NPAS3: variants seen among roughly 807,000 people sequenced by gnomAD.
NPAS3 encodes the protein neuronal PAS domain protein 3, also known as neuronal PAS domain-containing protein 3.
NPAS3 carries 14 observed loss-of-function variants against 73.1 expected under a neutral mutation model. That is an observed-to-expected ratio of 0.19 (90% CI 0.13 to 0.30). The LOEUF is 0.30. NPAS3 is among the 10% of genes least tolerant of loss of function. The pLI, the probability that NPAS3 is intolerant of heterozygous loss-of-function variation, is 1.00. For synonymous variants in NPAS3, 620 were observed against 541.5 expected, an observed-to-expected ratio of 1.14 and a Z score of -2.01; for missense variants, 1,096 against 1,250.0, an observed-to-expected ratio of 0.88 and a Z score of 1.86.
intron 2 of NPAS3, among the ~76,000 whole-genome samples, chr14:33,090,597 A>C (rs1201987736): frequency 6.6e-6 from 1 of 152,208 alleles, no homozygotes. Context: ...AACGAGACAG[A>C]AAGTTAACAA....
At chr14:33,788,755 T>C (rs2063256859) in intron 9 of NPAS3, among the ~76,000 whole-genome samples, 1 of 152,192 alleles carries the variant, frequency 6.6e-6, no homozygotes, top group Non-Finnish European at 1.5e-5. Context: ...GTCGTCAGTC[T>C]GTGTCTGTGG....
chr14:33,285,571 G>A (rs2140085258), intron 3 of NPAS3, among the ~76,000 whole-genome samples: 1 of 152,274 alleles, frequency 6.6e-6, no homozygotes, highest in African/African-American at 2.4e-5. Context: ...ACAGGTTAGT[G>A]AAGAAGCTAG....
chr14:33,267,415 G>A (rs2040865919), intron 3 of NPAS3, among the ~76,000 whole-genome samples: 1 of 152,154 alleles, frequency 6.6e-6, no homozygotes, highest in Non-Finnish European at 1.5e-5. Context: ...GAGGACTGTA[G>A]ACATCTAGTG....
intron 4 of NPAS3, among the ~76,000 whole-genome samples, chr14:33,544,812 G>GATAT (rs2054736462): frequency 1.2e-5 from 1 of 86,248 alleles, no homozygotes; most frequent in African/African-American, 6.6e-5. Flanking sequence ...ATATATATAT[G>GATAT]TATATATAAT....
At chr14:32,965,768 T>C (rs1482001696) in intron 1 of NPAS3, among the ~76,000 whole-genome samples, 1 of 152,206 alleles carries the variant, frequency 6.6e-6, no homozygotes, top group Admixed American at 6.5e-5. Flanking sequence ...GAAGTCAGAT[T>C]GTTCTTGTTT....
chr14:33,557,955 C>G (rs2055440652), intron 4 of NPAS3, among the ~76,000 whole-genome samples: 1 of 152,110 alleles, frequency 6.6e-6, no homozygotes, highest in Admixed American at 6.5e-5. Context: ...GGTGACAGAG[C>G]AAGACTCCGT....
At chr14:33,687,993 T>G (rs1315173134) in intron 6 of NPAS3, among the ~76,000 whole-genome samples, 3 of 152,224 alleles carry the variant, frequency 2.0e-5, no homozygotes, top group Non-Finnish European at 4.4e-5. Flanking sequence ...CTTCTCTGCT[T>G]TCTAAAATGC....
chr14:33,716,671 C>T (rs1411631051), intron 6 of NPAS3, among the ~76,000 whole-genome samples: 1 of 152,116 alleles, frequency 6.6e-6, no homozygotes, highest in African/African-American at 2.4e-5. Context: ...CTACTTTCTT[C>T]CCCTATGAGT....
chr14:33,787,728 T>C (rs1439117877), intron 9 of NPAS3, among the ~76,000 whole-genome samples: 1 of 152,226 alleles, frequency 6.6e-6, no homozygotes, highest in African/African-American at 2.4e-5. Flanking sequence ...TATGAGCAGT[T>C]CTAAATGAAA....
At chr14:33,164,967 T>C (rs1170482973) in intron 2 of NPAS3, among the ~76,000 whole-genome samples, 1 of 152,126 alleles carries the variant, frequency 6.6e-6, no homozygotes, top group African/African-American at 2.4e-5. Flanking sequence ...GGTATAGAGT[T>C]ATGAGAATTC....
At chr14:33,273,585 T>C (rs1316654362) in intron 3 of NPAS3, among the ~76,000 whole-genome samples, 1 of 152,238 alleles carries the variant, frequency 6.6e-6, no homozygotes, top group Non-Finnish European at 1.5e-5. Flanking sequence ...CTTAAGATTA[T>C]GACTCTGATT....
chr14:33,776,520 T>TAAAAA (rs1566528548), intron 8 of NPAS3, among the ~76,000 whole-genome samples: 1 of 76,332 alleles, frequency 1.3e-5, no homozygotes, highest in East Asian at 5.8e-4. Context: ...TTTCTTCCTC[T>TAAAAA]TAAAAAAAAA....
chr14:33,271,068 A>G (rs8010869), intron 3 of NPAS3, among the ~76,000 whole-genome samples: 36,736 of 151,968 alleles, frequency 0.24, 4,744 homozygotes, highest in Middle Eastern at 0.31. Context: ...ATACAGAGAA[A>G]CCGTCTGTTT....
intron 4 of NPAS3, among the ~76,000 whole-genome samples, chr14:33,490,975 A>C (rs2051865971): frequency 6.6e-6 from 1 of 152,212 alleles, no homozygotes; most frequent in African/African-American, 2.4e-5. Flanking sequence ...CTGCAGCAGC[A>C]GCAGCAGCAG....
At chr14:33,070,302 T>C (rs1274491657) in intron 2 of NPAS3, among the ~76,000 whole-genome samples, 3 of 152,214 alleles carry the variant, frequency 2.0e-5, no homozygotes, top group Admixed American at 2.0e-4. Flanking sequence ...ATGTAGTTGT[T>C]GTTTTTTTCA....
chr14:33,762,111 G>C (rs1369530792), intron 7 of NPAS3, among the ~76,000 whole-genome samples: 1 of 152,172 alleles, frequency 6.6e-6, no homozygotes, highest in African/African-American at 2.4e-5. Flanking sequence ...AAGGACTCTT[G>C]AGAAATTCTC....
chr14:33,341,024 T>C (rs1215572360), intron 3 of NPAS3, among the ~76,000 whole-genome samples: 1 of 152,200 alleles, frequency 6.6e-6, no homozygotes, highest in Non-Finnish European at 1.5e-5. Context: ...TCACTTTTCA[T>C]GTGTAGTATG....
chr14:33,065,755 T>C (rs2041255889), intron 2 of NPAS3, among the ~76,000 whole-genome samples: 1 of 152,010 alleles, frequency 6.6e-6, no homozygotes, highest in Non-Finnish European at 1.5e-5. Context: ...CCTATTTCTC[T>C]TACTAGCAAT....
intron 7 of NPAS3, among the ~76,000 whole-genome samples, chr14:33,741,420 T>C (rs2061652961): frequency 6.6e-6 from 1 of 152,064 alleles, no homozygotes; most frequent in South Asian, 2.1e-4. Flanking sequence ...GGAGAAAAAA[T>C]TTCCAGGGTG....
Sources: allele counts gnomAD v4.1 joint callset (sites outside exome capture counted in the v4.1 genomes callset), GRCh38; gene constraint gnomAD v4.1.1; transcripts MANE v1.5; gene names NCBI Gene and HGNC (gene_info 2026-07-23, HGNC 2026-07-21).